The following GPM6A variants were observed in gnomAD, a reference collection of about 807,000 sequenced individuals.
The protein encoded by GPM6A is neuronal membrane glycoprotein M6-a.
In GPM6A, 7 loss-of-function variants were observed where a neutral mutation model predicts 32.1. That is an observed-to-expected ratio of 0.22 (90% CI 0.12 to 0.41). The LOEUF (loss-of-function observed/expected upper bound fraction) is 0.41, where lower values mean the gene tolerates loss of function less well. Ranked by LOEUF, GPM6A falls within the 10% of genes least tolerant of loss-of-function variation. The pLI is 1.00. For synonymous variants in GPM6A, 130 were observed against 123.4 expected (o/e 1.05, Z -0.35); for missense variants, 235 against 347.2 (o/e 0.68, Z 2.57).
intron 1 of GPM6A, among the ~76,000 whole-genome samples, chr4:175,926,153 C>A (rs1738833864): frequency 1.3e-5 from 2 of 152,090 alleles, no homozygotes; most frequent in Admixed American, 1.3e-4. Flanking sequence ...TGCCTGGCCA[C>A]AAATTCTCTA....
At chr4:175,979,573 C>G (rs1417751081) in intron 1 of GPM6A, among the ~76,000 whole-genome samples, 1 of 151,914 alleles carries the variant, frequency 6.6e-6, no homozygotes, top group African/African-American at 2.4e-5. Context: ...GCATGTTGTG[C>G]ACATGTACCC....
At chr4:175,708,797 A>G (rs756172738) in intron 1 of GPM6A, among the ~76,000 whole-genome samples, 4 of 152,196 alleles carry the variant, frequency 2.6e-5, no homozygotes, top group Admixed American at 6.5e-5. Flanking sequence ...ATGTTAATGA[A>G]TGTCTTTGAC....
At chr4:175,900,321 AG>A (rs1293623618) in intron 1 of GPM6A, among the ~76,000 whole-genome samples, 2 of 48,430 alleles carry the variant, frequency 4.1e-5, no homozygotes, top group African/African-American at 1.3e-4. Context: ...AGGAAAGGAA[AG>A]GAAAGGAAAG....
chr4:175,822,321 TTCTA>T (rs771503980), intron 1 of GPM6A, among the ~76,000 whole-genome samples: 9 of 152,176 alleles, frequency 5.9e-5, no homozygotes, highest in Non-Finnish European at 1.2e-4. Flanking sequence ...TCTTATCCTT[TTCTA>T]TCTATTTTTC....
chr4:175,992,368 G>A (rs998537126), intron 1 of GPM6A, among the ~76,000 whole-genome samples: 6 of 152,150 alleles, frequency 3.9e-5, no homozygotes, highest in African/African-American at 1.4e-4. Context: ...ACCCAAATCT[G>A]GTTGAAGCCT....
At chr4:175,817,494 T>C (rs998824950) in intron 1 of GPM6A, among the ~76,000 whole-genome samples, 1 of 152,202 alleles carries the variant, frequency 6.6e-6, no homozygotes, top group Non-Finnish European at 1.5e-5. Context: ...TAAAGATGCA[T>C]TGGATGGCAC....
At chr4:175,965,676 C>T (rs1472559526) in intron 1 of GPM6A, among the ~76,000 whole-genome samples, 1 of 151,184 alleles carries the variant, frequency 6.6e-6, no homozygotes, top group African/African-American at 2.4e-5. Flanking sequence ...CACAGTGGTG[C>T]AATCTTGGCT....
At chr4:175,685,176 A>C (rs1420981509) in intron 2 of GPM6A, among the ~76,000 whole-genome samples, 2 of 152,202 alleles carry the variant, frequency 1.3e-5, no homozygotes. Context: ...GACGTGAGCC[A>C]CCGCGCCTGG....
At chr4:175,812,685 G>C (rs1253675274), upstream of GPM6A, 1 of 985,916 alleles carries the variant, frequency 1.0e-6, no homozygotes, top group Non-Finnish European at 1.2e-6. Flanking sequence ...GCTGTGAACA[G>C]ATGGAGGGGT....
At chr4:175,710,449 G>C (rs748125818) in intron 1 of GPM6A, among the ~76,000 whole-genome samples, 3 of 151,994 alleles carry the variant, frequency 2.0e-5, no homozygotes, top group Non-Finnish European at 4.4e-5. Context: ...TGACATATAA[G>C]TCGTTTTTTT....
At chr4:175,662,425 C>A (rs1742479761) in intron 3 of GPM6A, among the ~76,000 whole-genome samples, 1 of 152,022 alleles carries the variant, frequency 6.6e-6, no homozygotes, top group Non-Finnish European at 1.5e-5. Context: ...CATGGTGAAA[C>A]CCCATCTCTA....
intron 2 of GPM6A, among the ~76,000 whole-genome samples, chr4:175,685,766 T>C (rs575526866): frequency 1.4e-4 from 21 of 152,274 alleles, no homozygotes; most frequent in African/African-American, 4.8e-4. Context: ...GAGTGTCTCA[T>C]TGTGTAATAT....
At chr4:175,879,273 T>C (rs775534798) in intron 1 of GPM6A, among the ~76,000 whole-genome samples, 2 of 152,204 alleles carry the variant, frequency 1.3e-5, no homozygotes, top group Non-Finnish European at 2.9e-5. Context: ...AGTTCCAAAG[T>C]TGCTTCCACA....
At chr4:175,727,173 G>T (rs932990737) in intron 1 of GPM6A, among the ~76,000 whole-genome samples, 1 of 151,960 alleles carries the variant, frequency 6.6e-6, no homozygotes, top group Admixed American at 6.6e-5. Flanking sequence ...TTATGTCATC[G>T]GTATTACCAA....
chr4:175,808,728 C>T (rs953901969), intron 1 of GPM6A: 20 of 152,210 alleles, frequency 1.3e-4, no homozygotes, highest in African/African-American at 4.1e-4. Context: ...CACAGACTCA[C>T]ATAAGCTGCT....
intron 1 of GPM6A, among the ~76,000 whole-genome samples, chr4:175,759,644 G>A (rs1253500733): frequency 6.6e-6 from 1 of 152,148 alleles, no homozygotes; most frequent in Admixed American, 6.5e-5. Context: ...ATGAATGGTG[G>A]TTATCCCAGA....
chr4:175,807,045 T>C (rs1734724141), intron 1 of GPM6A: 2 of 152,218 alleles, frequency 1.3e-5, no homozygotes, highest in Admixed American at 6.5e-5. Flanking sequence ...AGATTTTTGA[T>C]GTTGTTTTTG....
At chr4:175,758,667 A>C (rs1199126613) in intron 1 of GPM6A, among the ~76,000 whole-genome samples, 3 of 152,130 alleles carry the variant, frequency 2.0e-5, no homozygotes, top group African/African-American at 7.2e-5. Context: ...GAAACAAAGA[A>C]TGTTTTTCCA....
In GPM6A at chr4:175,732,605, T is replaced by C. The variant is rs1170510638; in HGVS notation, c.38-30838A>G. On this transcript the variant is annotated intron_variant, in intron 1 of 6. Transcript: ENST00000393658. ...GGTAACAAAGATTTCATCTTATGTCTTTAAAAACGTACAAATAATGAGAAT... is the reference window on the plus strand; with the variant it reads ...GGTAACAAAGATTTCATCTTATGTCCTTAAAAACGTACAAATAATGAGAAT... 2.0e-5 allele frequency among the ~76,000 whole-genome samples: 3 copies of C among 152,182 alleles called. No individual in the cohort carries two copies. The East Asian group carries it at 5.8e-4, about 29-fold the overall frequency.
Sources: gnomAD v4.1 joint callset for allele counts (sites outside exome capture counted in the v4.1 genomes callset) on GRCh38, gnomAD v4.1.1 for gene constraint, MANE v1.5 for transcripts, NCBI Gene and HGNC (gene_info 2026-07-23, HGNC 2026-07-21) for gene names.